The following TRPC4AP variants were observed in gnomAD, a reference collection of about 807,000 sequenced individuals.
The protein encoded by TRPC4AP is transient receptor potential cation channel subfamily C member 4 associated protein.
A neutral mutation model predicts 99.0 loss-of-function variants in TRPC4AP; 45 were observed. That is an observed-to-expected ratio of 0.45 (90% CI 0.36 to 0.58). TRPC4AP has a LOEUF of 0.58. TRPC4AP is among the 20% of genes least tolerant of loss of function. The pLI is 0.00. For synonymous variants in TRPC4AP, 408 were observed against 385.8 expected (o/e 1.06, Z -0.67); for missense variants, 879 against 985.3 (o/e 0.89, Z 1.44).
chr20:35,070,873 A>G (rs1225046919), intron 2 of TRPC4AP, among the ~76,000 whole-genome samples: 1 of 152,086 alleles, frequency 6.6e-6, no homozygotes, highest in Non-Finnish European at 1.5e-5. Context: ...AGCTAAGAGG[A>G]AAAAAAATCT....
intron 3 of TRPC4AP, among the ~76,000 whole-genome samples, chr20:35,068,381 C>G (rs1258909261): frequency 6.6e-6 from 1 of 152,058 alleles, no homozygotes; most frequent in Non-Finnish European, 1.5e-5. Flanking sequence ...CGTTCTTGTT[C>G]CAAAGGTATA....
At chr20:35,023,574 AC>A (rs1327822635) in intron 8 of TRPC4AP, among the ~76,000 whole-genome samples, 1 of 152,172 alleles carries the variant, frequency 6.6e-6, no homozygotes, top group Non-Finnish European at 1.5e-5. Context: ...ATTCTCCTGT[AC>A]CTTGGGCAAA....
intron 1 of TRPC4AP, among the ~76,000 whole-genome samples, chr20:35,086,702 G>A (rs2084893538): frequency 6.6e-6 from 1 of 151,742 alleles, no homozygotes; most frequent in South Asian, 2.1e-4. Context: ...GTTAGAATGA[G>A]GCTAAAACAA....
At position 35,021,283 on chromosome 20, in the gene TRPC4AP, C is replaced by T. The variant is rs751429283; in HGVS notation, c.1125G>A (p.Leu375=). 1.2e-6 allele frequency: 2 copies of T among 1,614,068 alleles called. No homozygotes were observed. The highest frequency in any genetic ancestry group is 1.3e-5 in the African/African-American group (1 of 74,928). Reference sequence around the variant, plus strand: ...CATGCATAATCTTCATTGACTGGGGCAGCTGGGTTCTGGCTGACGTGTGAG... The same window carrying T: ...CATGCATAATCTTCATTGACTGGGGTAGCTGGGTTCTGGCTGACGTGTGAG... ...GLPHTSARTQ[L]PQSMKIMHEI... Residue 375 remains leucine (L), a synonymous_variant, in exon 9 of 19, where the codon CTG becomes CTA. Coordinates refer to ENST00000252015, the MANE Select transcript of TRPC4AP (RefSeq NM_015638.3).
rs1449897268 is a variant in TRPC4AP at position 35,002,922 on chromosome 20, A to G, written c.*224T>C. On this transcript the variant is annotated 3_prime_UTR_variant, in exon 19 of 19. Transcript: ENST00000252015. ...CCAGGGTTCTGAAGGAAAGGTGGGCATGGTACCCTGTCCTCATTATGGGGA... is the reference window on the plus strand; with the variant it reads ...CCAGGGTTCTGAAGGAAAGGTGGGCGTGGTACCCTGTCCTCATTATGGGGA... 2 of 537,444 alleles carry G rather than the reference A, an allele frequency of 3.7e-6. No individual in the cohort carries two copies. The highest frequency in any genetic ancestry group is 6.5e-6 in the Non-Finnish European group (2 of 308,360). The allele number at this position is 537,444 out of a possible 1,614,324, so 33.3% of individuals were successfully genotyped here.
chr20:35,009,279 G>C (rs553338548), intron 12 of TRPC4AP, among the ~76,000 whole-genome samples: 1 of 152,286 alleles, frequency 6.6e-6, no homozygotes, highest in Non-Finnish European at 1.5e-5. Flanking sequence ...AAACAGAGCA[G>C]CTCTGCTGTG....
intron 8 of TRPC4AP, among the ~76,000 whole-genome samples, chr20:35,028,150 C>T (rs1016046288): frequency 1.3e-5 from 2 of 151,836 alleles, no homozygotes; most frequent in Non-Finnish European, 2.9e-5. Context: ...TCTAAGCACG[C>T]TTTAGCTGCA....
intron 2 of TRPC4AP, among the ~76,000 whole-genome samples, chr20:35,071,883 T>A (rs1240060133): frequency 3.4e-5 from 5 of 147,464 alleles, no homozygotes; most frequent in African/African-American, 1.2e-4. Context: ...ATGGTTGAAC[T>A]AGTTTACAGT....
intron 1 of TRPC4AP, among the ~76,000 whole-genome samples, chr20:35,087,517 G>A (rs1027741575): frequency 2.0e-5 from 3 of 152,066 alleles, no homozygotes; most frequent in Admixed American, 6.6e-5. Flanking sequence ...CAGGGATGGC[G>A]GGTCATGACC....
chr20:35,003,223 G>A lies in TRPC4AP; in HGVS notation c.2317C>T (p.Arg773Trp), dbSNP rs908600836. ...ETVSILLNPD[R>W]QSPSALVSYI... Reference sequence around the variant, plus strand: ...CTAACGAGAGCAGAGGGTGACTGCCGGTCCGGGTTCAACAGGATGGACACT... The same window carrying A: ...CTAACGAGAGCAGAGGGTGACTGCCAGTCCGGGTTCAACAGGATGGACACT... The change falls in exon 19 of 19, where the codon CGG becomes TGG. Residue 773 changes from arginine to tryptophan, a missense_variant. Around this residue, in one of 3 missense-constraint regions of TRPC4AP, gnomAD observed 224 missense variants for 264.7 expected, o/e 0.85. Coordinates refer to ENST00000252015, the MANE Select transcript of TRPC4AP (RefSeq NM_015638.3). 3.7e-6 allele frequency: 6 copies of A among 1,614,096 alleles called. No individual in the cohort carries two copies. The highest frequency in any genetic ancestry group is 4.2e-6 in the Non-Finnish European group (5 of 1,180,040).
At chr20:35,030,979 T>C (rs141460086) in intron 8 of TRPC4AP, among the ~76,000 whole-genome samples, 5 of 152,386 alleles carry the variant, frequency 3.3e-5, no homozygotes, top group Admixed American at 6.5e-5. Context: ...CAGATGTTTG[T>C]CTGTTACTAA....
chr20:35,051,498 C>A (rs920367699), intron 5 of TRPC4AP, among the ~76,000 whole-genome samples: 1 of 150,890 alleles, frequency 6.6e-6, no homozygotes, highest in African/African-American at 2.4e-5. Context: ...GTGAAGGCAT[C>A]AATAAAGATG....
Position 35,092,076 on chromosome 20 carries a change from G to A in TRPC4AP, c.168+538C>T, listed in dbSNP as rs567174326. On this transcript the variant is annotated intron_variant, in intron 1 of 18. Transcript: ENST00000252015. ...AAAAAGGCAGACAACAAAGAAATAC[G>A]AAATTATAGACTAAGAAAGTAATGT... Among the ~76,000 whole-genome samples the A allele has an allele frequency of 2.6e-5, 4 of 152,246 alleles. No homozygotes were observed. In the East Asian group the frequency reaches 7.7e-4, roughly 29 times the overall value.
intron 5 of TRPC4AP, among the ~76,000 whole-genome samples, chr20:35,050,290 T>C (rs1052714893): frequency 6.6e-6 from 1 of 152,178 alleles, no homozygotes; most frequent in African/African-American, 2.4e-5. Context: ...CATTCTTAAA[T>C]CTGAAATCAA....
intron 1 of TRPC4AP, among the ~76,000 whole-genome samples, chr20:35,092,362 C>A (rs898750269): frequency 6.6e-6 from 1 of 152,174 alleles, no homozygotes; most frequent in Non-Finnish European, 1.5e-5. Context: ...GAAACTGGGC[C>A]CAGGGTTCGT....
intron 10 of TRPC4AP, among the ~76,000 whole-genome samples, chr20:35,013,766 C>A (rs941342387): frequency 6.6e-6 from 1 of 152,158 alleles, no homozygotes; most frequent in African/African-American, 2.4e-5. Context: ...GGTTTTAATG[C>A]CCTGCAGGGA....
chr20:35,038,414 A>C (rs563849665), intron 7 of TRPC4AP, among the ~76,000 whole-genome samples: 1 of 152,234 alleles, frequency 6.6e-6, no homozygotes, highest in East Asian at 1.9e-4. Flanking sequence ...AACACTTACC[A>C]ATTTCCATTA....
intron 1 of TRPC4AP, among the ~76,000 whole-genome samples, chr20:35,088,041 T>G (rs955060650): frequency 2.0e-5 from 3 of 152,182 alleles, no homozygotes; most frequent in African/African-American, 7.2e-5. Context: ...CATCCAGAGC[T>G]AAAAGGAGAA....
chr20:35,068,796 A>T, intron 3 of TRPC4AP, among the ~76,000 whole-genome samples: 1 of 151,986 alleles, frequency 6.6e-6, no homozygotes, highest in East Asian at 1.9e-4. Context: ...CTGGGATTAC[A>T]GGCGTGAGCC....
Sources: gnomAD v4.1 joint callset for allele counts (sites outside exome capture counted in the v4.1 genomes callset) on GRCh38, gnomAD v4.1.1 for gene constraint, gnomAD v4.1.1 regional missense constraint, MANE v1.5 for transcripts, NCBI Gene and HGNC (gene_info 2026-07-23, HGNC 2026-07-21) for gene names.